The following RALGPS1 variants were observed in gnomAD, a reference collection of about 807,000 sequenced individuals.
RALGPS1 encodes Ral GEF with PH domain and SH3 binding motif 1, also known as ras-specific guanine nucleotide-releasing factor RalGPS1.
Under a neutral mutation model 78.8 loss-of-function variants are expected in RALGPS1, and 19 were observed. That is an observed-to-expected ratio of 0.24 (90% confidence interval 0.17 to 0.35). The LOEUF (loss-of-function observed/expected upper bound fraction) is 0.35, where lower values mean the gene tolerates loss of function less well. RALGPS1 is among the 10% of genes least tolerant of loss of function. RALGPS1 has a pLI of 1.00. For synonymous variants in RALGPS1, 228 were observed against 256.3 expected (o/e 0.89, Z 1.06); for missense variants, 454 against 688.3 (o/e 0.66, Z 3.81).
intron 5 of RALGPS1, among the ~76,000 whole-genome samples, chr9:127,047,063 G>C (rs1416199173): frequency 2.0e-5 from 3 of 150,996 alleles, no homozygotes; most frequent in African/African-American, 4.9e-5. Context: ...CTTGTTGATG[G>C]GTAAACAAAT....
chr9:127,173,193 GT>G (rs1164558635), intron 10 of RALGPS1, among the ~76,000 whole-genome samples: 1 of 152,142 alleles, frequency 6.6e-6, no homozygotes, highest in Non-Finnish European at 1.5e-5. Flanking sequence ...CCTTCACCTC[GT>G]TGGGGAGCTG....
At chr9:127,104,947 C>CTGAT (rs1365715597) in intron 8 of RALGPS1, among the ~76,000 whole-genome samples, 10 of 152,182 alleles carry the variant, frequency 6.6e-5, no homozygotes, top group African/African-American at 2.2e-4. Flanking sequence ...CTGAACAGAC[C>CTGAT]TGATAAGAAT....
intron 10 of RALGPS1, among the ~76,000 whole-genome samples, chr9:127,170,355 A>G (rs1164290055): frequency 6.6e-6 from 1 of 152,194 alleles, no homozygotes; most frequent in Non-Finnish European, 1.5e-5. Context: ...TATTTTTTCA[A>G]AGCTCCCTAG....
At chr9:127,194,506 G>A (rs778668787) in intron 11 of RALGPS1, among the ~76,000 whole-genome samples, 13 of 152,172 alleles carry the variant, frequency 8.5e-5, no homozygotes, top group Non-Finnish European at 1.6e-4. Context: ...TCCACCTCCC[G>A]GGTTCAAGCG....
intron 4 of RALGPS1, among the ~76,000 whole-genome samples, chr9:126,995,326 A>G (rs2042637957): frequency 6.6e-6 from 1 of 152,164 alleles, no homozygotes; most frequent in African/African-American, 2.4e-5. Context: ...AAATAAAGGG[A>G]TAGAGGAAGA....
chr9:127,158,399 C>G (rs1450989969), intron 8 of RALGPS1, among the ~76,000 whole-genome samples: 1 of 152,066 alleles, frequency 6.6e-6, no homozygotes, highest in East Asian at 1.9e-4. Context: ...TATTTTCCTA[C>G]TAAGCATTCA....
intron 4 of RALGPS1, among the ~76,000 whole-genome samples, chr9:126,989,458 G>A (rs1001400610): frequency 3.9e-5 from 6 of 152,176 alleles, no homozygotes; most frequent in African/African-American, 1.4e-4. Context: ...ACCCGGCTTG[G>A]GCCTCCCTGA....
intron 4 of RALGPS1, among the ~76,000 whole-genome samples, chr9:127,011,251 C>T (rs1279649398): frequency 2.6e-5 from 4 of 152,030 alleles, no homozygotes; most frequent in African/African-American, 9.7e-5. Context: ...GACCTCGGCT[C>T]ACTGCAACCT....
chr9:127,096,312 G>A (rs948999767), intron 8 of RALGPS1, among the ~76,000 whole-genome samples: 9 of 152,256 alleles, frequency 5.9e-5, no homozygotes, highest in African/African-American at 1.4e-4. Flanking sequence ...GCCGGTGGGC[G>A]TGGGAGGCCT....
intron 18 of RALGPS1, 82 bp downstream of exon 18, chr9:127,214,924 C>A (rs1394145473): frequency 6.3e-7 from 1 of 1,587,980 alleles, no homozygotes; most frequent in African/African-American, 1.4e-5. Flanking sequence ...AACAGGGTTC[C>A]CTTCTTCTTT....
At chr9:127,198,238 C>T (rs962987099) in intron 13 of RALGPS1, among the ~76,000 whole-genome samples, 1 of 152,196 alleles carries the variant, frequency 6.6e-6, no homozygotes, top group African/African-American at 2.4e-5. Context: ...GTGATGAGGG[C>T]TGTTACTCAG....
chr9:127,075,135 G>A (rs1250334553), intron 8 of RALGPS1, among the ~76,000 whole-genome samples: 1 of 152,206 alleles, frequency 6.6e-6, no homozygotes, highest in Non-Finnish European at 1.5e-5. Context: ...CCTGGCAGGT[G>A]CTTCCCAAGA....
chr9:127,038,534 A>G (rs2047043287), intron 5 of RALGPS1, among the ~76,000 whole-genome samples: 1 of 152,132 alleles, frequency 6.6e-6, no homozygotes, highest in African/African-American at 2.4e-5. Flanking sequence ...CTCTTTCCTC[A>G]TTGTGTAATA....
At chr9:126,990,547 C>T (rs1448290926) in intron 4 of RALGPS1, among the ~76,000 whole-genome samples, 3 of 152,210 alleles carry the variant, frequency 2.0e-5, no homozygotes, top group East Asian at 1.9e-4. Flanking sequence ...TGTGTGCACA[C>T]CACAGCCTCC....
chr9:127,028,316 C>G (rs1195381164), intron 4 of RALGPS1, among the ~76,000 whole-genome samples: 2 of 152,256 alleles, frequency 1.3e-5, no homozygotes, highest in Non-Finnish European at 2.9e-5. Flanking sequence ...GATGGGCTCC[C>G]ATCACTTCTA....
intron 1 of RALGPS1, among the ~76,000 whole-genome samples, chr9:126,932,231 G>A (rs948344063): frequency 1.3e-5 from 2 of 152,110 alleles, no homozygotes; most frequent in African/African-American, 4.8e-5. Context: ...AATGAAGGGG[G>A]AAAAAGACAA....
At chr9:126,982,838 TTCC>T (rs1333444497) in intron 4 of RALGPS1, among the ~76,000 whole-genome samples, 1 of 134,154 alleles carries the variant, frequency 7.5e-6, no homozygotes, top group Non-Finnish European at 1.7e-5. Flanking sequence ...CCTCTTCTTC[TTCC>T]TTCTTTCTTC....
At chr9:127,095,011 T>A (rs1359523295) in intron 8 of RALGPS1, among the ~76,000 whole-genome samples, 2 of 152,206 alleles carry the variant, frequency 1.3e-5, no homozygotes, top group African/African-American at 4.8e-5. Flanking sequence ...CCTTTCTCAT[T>A]GATCTGAGGA....
intron 8 of RALGPS1, among the ~76,000 whole-genome samples, chr9:127,142,464 G>T (rs2057845248): frequency 6.6e-6 from 1 of 152,128 alleles, no homozygotes; most frequent in Non-Finnish European, 1.5e-5. Context: ...GGAGGGGTGG[G>T]CATGATGGGC....
Sources: allele counts gnomAD v4.1 joint callset (sites outside exome capture counted in the v4.1 genomes callset), GRCh38; gene constraint gnomAD v4.1.1; transcripts MANE v1.5; gene names NCBI Gene and HGNC (gene_info 2026-07-23, HGNC 2026-07-21).